Variants in ARHGAP15 observed in about 807,000 individuals in gnomAD.
ARHGAP15 encodes the protein Rho GTPase activating protein 15, also known as rho GTPase-activating protein 15.
A neutral mutation model predicts 63.7 loss-of-function variants in ARHGAP15; 51 were observed. The ratio of observed to expected loss-of-function variants is 0.80; its 90% confidence interval spans 0.64 to 1.01. ARHGAP15 has a LOEUF of 1.01. Among genes scored for constraint, ARHGAP15 ranks in the 50% least tolerant of loss-of-function variants. The pLI is 0.00. For missense variants in ARHGAP15, 560 were observed against 564.6 expected (o/e 0.99, Z 0.08); for synonymous variants, 191 against 193.8 (o/e 0.99, Z 0.12).
intron 6 of ARHGAP15, among the ~76,000 whole-genome samples, chr2:143,369,760 T>C (rs750902273): frequency 5.9e-5 from 9 of 152,188 alleles, no homozygotes; most frequent in Non-Finnish European, 1.0e-4. Context: ...TTGCAGAGAA[T>C]ATTTTATGTA....
At chr2:143,673,740 G>A (rs1682654163) in intron 12 of ARHGAP15, among the ~76,000 whole-genome samples, 3 of 28,454 alleles carry the variant, frequency 1.1e-4, no homozygotes, top group South Asian at 2.6e-3. Context: ...GTGTGTGTGT[G>A]TGTGTGTGTG....
intron 9 of ARHGAP15, among the ~76,000 whole-genome samples, chr2:143,516,142 C>T (rs1007179167): frequency 1.3e-5 from 2 of 152,162 alleles, no homozygotes; most frequent in Non-Finnish European, 2.9e-5. Flanking sequence ...AATGTTCTTA[C>T]CTGTTTACTT....
At chr2:143,313,018 T>A (rs1187411224) in intron 6 of ARHGAP15, among the ~76,000 whole-genome samples, 6 of 152,098 alleles carry the variant, frequency 3.9e-5, no homozygotes, top group African/African-American at 1.4e-4. Context: ...TTCTTCCCAG[T>A]AGCAGTAATT....
intron 13 of ARHGAP15, among the ~76,000 whole-genome samples, chr2:143,710,192 G>T (rs1684518531): frequency 6.6e-6 from 1 of 151,892 alleles, no homozygotes; most frequent in Non-Finnish European, 1.5e-5. Context: ...TGGGACACGG[G>T]TTGTGAGTTG....
chr2:143,234,675 G>A (rs941604853), intron 5 of ARHGAP15, among the ~76,000 whole-genome samples: 4 of 151,882 alleles, frequency 2.6e-5, no homozygotes, highest in Non-Finnish European at 4.4e-5. Context: ...TATTTCCTTC[G>A]GTTTGGAGAA....
Position 143,436,056 on chromosome 2 carries a change from A to G in ARHGAP15, c.573+357A>G, listed in dbSNP as rs151088536. Among the ~76,000 whole-genome samples, 231 of 152,204 alleles carry G rather than the reference A, an allele frequency of 1.5e-3. 1 individual carries two copies. The highest frequency in any genetic ancestry group is 5.1e-3 in the African/African-American group (211 of 41,550). ...ACATACTCCTGTAAATAAATAACATATTTAAGACTCACTGTTATAATACCA... is the reference window on the plus strand; with the variant it reads ...ACATACTCCTGTAAATAAATAACATGTTTAAGACTCACTGTTATAATACCA... On this transcript the variant is annotated intron_variant, in intron 7 of 13. Coordinates refer to ENST00000295095, the MANE Select transcript of ARHGAP15 (RefSeq NM_018460.4).
chr2:143,399,444 G>T (rs1459618085), intron 6 of ARHGAP15, among the ~76,000 whole-genome samples: 1 of 151,792 alleles, frequency 6.6e-6, no homozygotes, highest in Non-Finnish European at 1.5e-5. Flanking sequence ...TTCTTTTGTT[G>T]TTTAATGGTT....
At chr2:143,425,578 G>A (rs1689108050) in intron 6 of ARHGAP15, among the ~76,000 whole-genome samples, 1 of 151,948 alleles carries the variant, frequency 6.6e-6, no homozygotes, top group African/African-American at 2.4e-5. Flanking sequence ...GCTTTTTCAT[G>A]TTTGGTTTAA....
chr2:143,299,577 A>T (rs1322488358), intron 6 of ARHGAP15, among the ~76,000 whole-genome samples: 1 of 151,934 alleles, frequency 6.6e-6, no homozygotes, highest in Non-Finnish European at 1.5e-5. Flanking sequence ...TTCACCTTCT[A>T]GTCTTACCCT....
chr2:143,360,850 A>G (rs11680245), intron 6 of ARHGAP15, among the ~76,000 whole-genome samples: 43,428 of 152,118 alleles, frequency 0.29, 6,277 homozygotes, highest in East Asian at 0.41. Context: ...AAACTAGTTA[A>G]CAAAGTAAAC....
intron 12 of ARHGAP15, chr2:143,648,803 A>G (rs1197886786): frequency 2.0e-5 from 3 of 151,980 alleles, no homozygotes; most frequent in Non-Finnish European, 2.9e-5. Context: ...AGTTTTTCCA[A>G]AGAAAATCCT....
chr2:143,431,056 G>A (rs1689369412), intron 6 of ARHGAP15, among the ~76,000 whole-genome samples: 1 of 152,170 alleles, frequency 6.6e-6, no homozygotes, highest in South Asian at 2.1e-4. Context: ...TTCATAGCAA[G>A]AGAGTGCTTG....
chr2:143,633,563 G>A (rs2048955), intron 12 of ARHGAP15, among the ~76,000 whole-genome samples: 2 of 151,978 alleles, frequency 1.3e-5, no homozygotes, highest in African/African-American at 4.8e-5. Flanking sequence ...TTCCATCTAC[G>A]TAAGGTCACT....
intron 8 of ARHGAP15, among the ~76,000 whole-genome samples, chr2:143,441,634 A>G (rs1003847434): frequency 6.6e-6 from 1 of 152,190 alleles, no homozygotes. Context: ...GTAGTAATAT[A>G]TCTCATACCT....
intron 6 of ARHGAP15, among the ~76,000 whole-genome samples, chr2:143,362,020 A>C (rs772293675): frequency 2.6e-5 from 4 of 152,120 alleles, no homozygotes; most frequent in Admixed American, 1.3e-4. Context: ...CTGGAAGCCT[A>C]CCTACAAGTT....
intron 11 of ARHGAP15, chr2:143,587,769 GTCATT>G: frequency 2.1e-6 from 1 of 470,402 alleles, no homozygotes; most frequent in Non-Finnish European, 4.4e-6. Context: ...TTTCACAGTG[GTCATT>G]TGACCTCCAG....
chr2:143,627,406 T>C (rs1247736083), intron 12 of ARHGAP15, among the ~76,000 whole-genome samples: 1 of 152,138 alleles, frequency 6.6e-6, no homozygotes, highest in Non-Finnish European at 1.5e-5. Context: ...GGAAAAACTC[T>C]AGGTTGTAAT....
chr2:143,321,616 G>A (rs968961151), intron 6 of ARHGAP15, among the ~76,000 whole-genome samples: 3 of 152,262 alleles, frequency 2.0e-5, no homozygotes, highest in Non-Finnish European at 4.4e-5. Context: ...CAGACATGGA[G>A]AAGGGCCTGG....
chr2:143,405,926 G>A (rs536410114), intron 6 of ARHGAP15, among the ~76,000 whole-genome samples: 2 of 152,044 alleles, frequency 1.3e-5, no homozygotes, highest in African/African-American at 4.8e-5. Context: ...TGGTAATGCT[G>A]CAAGATCATA....
Sources: allele counts gnomAD v4.1 joint callset (sites outside exome capture counted in the v4.1 genomes callset), GRCh38; gene constraint gnomAD v4.1.1; transcripts MANE v1.5; gene names NCBI Gene and HGNC (gene_info 2026-07-23, HGNC 2026-07-21).